The following CCSER1 variants were observed in gnomAD, a reference collection of about 807,000 sequenced individuals.
CCSER1 encodes the protein serine-rich coiled-coil domain-containing protein 1.
CCSER1 carries 41 observed loss-of-function variants against 82.0 expected under a neutral mutation model. The ratio of observed to expected loss-of-function variants is 0.50; its 90% CI spans 0.39 to 0.65. The LOEUF is 0.65. CCSER1 is among the 30% of genes least tolerant of loss of function. CCSER1 has a pLI of 0.00. For synonymous variants in CCSER1, 414 were observed against 383.9 expected (o/e 1.08, Z -0.92); for missense variants, 1,119 against 1,064.2 (o/e 1.05, Z -0.72).
At chr4:91,584,605 G>C (rs139623277) in intron 10 of CCSER1, among the ~76,000 whole-genome samples, 1,896 of 151,436 alleles carry the variant, frequency 0.013, 30 homozygotes, top group African/African-American at 0.042. Context: ...TAAAAGTTTT[G>C]TTTTACATAA....
intron 9 of CCSER1, among the ~76,000 whole-genome samples, chr4:91,050,295 G>T (rs1046137560): frequency 2.0e-5 from 3 of 152,036 alleles, no homozygotes; most frequent in African/African-American, 7.2e-5. Flanking sequence ...ACCGGGCATG[G>T]TGGCAGATGC....
chr4:91,394,114 T>C (rs1751823860), intron 10 of CCSER1, among the ~76,000 whole-genome samples: 5 of 152,096 alleles, frequency 3.3e-5, no homozygotes, highest in Admixed American at 2.6e-4. Context: ...CCTCAGAAGC[T>C]AGATGGCCTG....
At chr4:91,403,277 A>C (rs1014874973) in intron 10 of CCSER1, among the ~76,000 whole-genome samples, 2 of 152,226 alleles carry the variant, frequency 1.3e-5, no homozygotes, top group Admixed American at 1.3e-4. Flanking sequence ...GTCGCTTATC[A>C]GATTAAGGAG....
At chr4:91,395,868 C>T (rs996710471) in intron 10 of CCSER1, among the ~76,000 whole-genome samples, 11 of 152,056 alleles carry the variant, frequency 7.2e-5, no homozygotes, top group African/African-American at 2.4e-4. Flanking sequence ...AAACACAACT[C>T]GCCTTACTCC....
At chr4:91,327,532 G>C (rs1746657880) in intron 10 of CCSER1, among the ~76,000 whole-genome samples, 1 of 152,236 alleles carries the variant, frequency 6.6e-6, no homozygotes, top group Admixed American at 6.5e-5. Context: ...GGGAGGGGCT[G>C]CCATGAAGGT....
intron 1 of CCSER1, among the ~76,000 whole-genome samples, chr4:90,267,191 T>G (rs558083456): frequency 6.6e-6 from 1 of 151,854 alleles, no homozygotes; most frequent in Admixed American, 6.6e-5. Context: ...TCAGTGAACA[T>G]CAGTGGTACC....
chr4:91,010,447 C>T lies in CCSER1; in HGVS notation c.2173-75503C>T, dbSNP rs1738919303. 2.4e-5 allele frequency among the ~76,000 whole-genome samples: 2 copies of T among 82,530 alleles called. 1 individual carries two copies. 54.1% of individuals were successfully genotyped at this position (82,530 alleles called of 152,430 possible). A position where few individuals can be genotyped will look rare whatever the true frequency, so the allele number is the denominator to read the frequency against. ...TTTGTGTTTCATGTATCTGGAAATC[C>T]ATATCTCTTTGAAGACTTGGGAAGT... On this transcript the variant is annotated intron_variant, in intron 9 of 10. Coordinates refer to ENST00000509176, the MANE Select transcript of CCSER1 (RefSeq NM_001145065.2).
chr4:90,862,662 C>G (rs1765240723), intron 8 of CCSER1, among the ~76,000 whole-genome samples: 1 of 151,902 alleles, frequency 6.6e-6, no homozygotes. Flanking sequence ...ACAGAGGACA[C>G]AAAAGCTGTT....
At chr4:91,425,955 G>A (rs1753942713) in intron 10 of CCSER1, among the ~76,000 whole-genome samples, 1 of 152,038 alleles carries the variant, frequency 6.6e-6, no homozygotes, top group Non-Finnish European at 1.5e-5. Context: ...TTGTTACATA[G>A]GTATACACGT....
intron 10 of CCSER1, among the ~76,000 whole-genome samples, chr4:91,210,343 G>T (rs1736710332): frequency 6.6e-6 from 1 of 150,942 alleles, no homozygotes. Flanking sequence ...AGTAAATAAA[G>T]GAATAAATTA....
intron 9 of CCSER1, among the ~76,000 whole-genome samples, chr4:90,999,574 GTTAT>G (rs1445280284): frequency 1.3e-5 from 2 of 152,040 alleles, no homozygotes; most frequent in Non-Finnish European, 2.9e-5. Context: ...TTTTAATGGG[GTTAT>G]TTGTTTTATG....
At chr4:90,696,885 A>G (rs1175549296) in intron 6 of CCSER1, among the ~76,000 whole-genome samples, 1 of 152,172 alleles carries the variant, frequency 6.6e-6, no homozygotes, top group Non-Finnish European at 1.5e-5. Flanking sequence ...AGAACAAAAC[A>G]GCAGAGTGTT....
chr4:90,908,344 A>G (rs1364439271), intron 8 of CCSER1, among the ~76,000 whole-genome samples: 1 of 152,112 alleles, frequency 6.6e-6, no homozygotes, highest in African/African-American at 2.4e-5. Context: ...AAACTGAAAG[A>G]AAATGAGTGT....
intron 1 of CCSER1, among the ~76,000 whole-genome samples, chr4:90,148,899 C>G (rs533329123): frequency 6.6e-6 from 1 of 152,094 alleles, no homozygotes; most frequent in African/African-American, 2.4e-5. Flanking sequence ...GTCTTTTAAC[C>G]TCTTGAGTCA....
intron 10 of CCSER1, among the ~76,000 whole-genome samples, chr4:91,362,447 T>C (rs1749311742): frequency 6.6e-6 from 1 of 151,790 alleles, no homozygotes; most frequent in African/African-American, 2.4e-5. Flanking sequence ...ATTGGAAGAC[T>C]TTTTTTGAGC....
chr4:91,557,632 T>A (rs1578783843), intron 10 of CCSER1, among the ~76,000 whole-genome samples: 1 of 151,412 alleles, frequency 6.6e-6, no homozygotes, highest in South Asian at 2.1e-4. Context: ...GAAGAAGAGA[T>A]AATTGAGCTA....
At chr4:90,808,375 A>G (rs1757796120) in intron 7 of CCSER1, among the ~76,000 whole-genome samples, 1 of 152,164 alleles carries the variant, frequency 6.6e-6, no homozygotes, top group Non-Finnish European at 1.5e-5. Context: ...TGTAACAAAA[A>G]GGAAAATAAA....
At chr4:91,279,709 A>C (rs1300749875) in intron 10 of CCSER1, among the ~76,000 whole-genome samples, 1 of 152,108 alleles carries the variant, frequency 6.6e-6, no homozygotes, top group Non-Finnish European at 1.5e-5. Flanking sequence ...AGCTTCTTAA[A>C]TAACACTACT....
chr4:91,176,885 C>A (rs1006564520), intron 10 of CCSER1, among the ~76,000 whole-genome samples: 2 of 152,130 alleles, frequency 1.3e-5, no homozygotes, highest in African/African-American at 4.8e-5. Flanking sequence ...AGAGGGCATC[C>A]CGGTCTTGTG....
Sources: gnomAD v4.1 joint callset for allele counts (sites outside exome capture counted in the v4.1 genomes callset) on GRCh38, gnomAD v4.1.1 for gene constraint, MANE v1.5 for transcripts, NCBI Gene and HGNC (gene_info 2026-07-23, HGNC 2026-07-21) for gene names.